The following INIP variants were observed in gnomAD, a reference collection of about 807,000 sequenced individuals.
INIP encodes INTS3 and NABP interacting protein, also known as SOSS complex subunit C.
In INIP, 9 loss-of-function variants were observed where a neutral mutation model predicts 14.0. The ratio of observed to expected loss-of-function variants is 0.64; its 90% CI spans 0.39 to 1.12. The LOEUF (loss-of-function observed/expected upper bound fraction) is 1.12, where lower values mean the gene tolerates loss of function less well. Ranked by LOEUF, INIP falls within the 50% of genes most tolerant of loss-of-function variation. The pLI is 0.01. For missense variants in INIP, 78 were observed against 122.7 expected (o/e 0.64, Z 1.72); for synonymous variants, 37 against 41.5 (o/e 0.89, Z 0.41).
At chr9:112,713,243 C>G (rs971880648) in intron 2 of INIP, among the ~76,000 whole-genome samples, 1 of 152,202 alleles carries the variant, frequency 6.6e-6, no homozygotes, top group African/African-American at 2.4e-5. Context: ...CATTTTAATA[C>G]TACAATGAGA....
Position 112,687,494 on chromosome 9 carries a change from G to C in INIP, c.*44C>G. The C allele has an allele frequency of 8.4e-7, 1 of 1,184,974 alleles. No homozygotes were observed. Among genetic ancestry groups the C allele is most frequent in the Non-Finnish European group, 1.3e-6 (1 of 792,900 alleles). 73.4% of individuals were successfully genotyped at this position (1,184,974 alleles called of 1,614,324 possible). On this transcript the variant is annotated 3_prime_UTR_variant, in exon 5 of 5. Coordinates refer to ENST00000374242, the MANE Select transcript of INIP (RefSeq NM_021218.3). ...GTAGCACTGAATGATAGTAGCTTTG[G>C]CATTTGATATTACAAAGTCACTTTT...
At chr9:112,714,276 T>C (rs1838737716) in intron 2 of INIP, among the ~76,000 whole-genome samples, 1 of 151,982 alleles carries the variant, frequency 6.6e-6, no homozygotes, top group African/African-American at 2.4e-5. Flanking sequence ...ATTAAAAAAA[T>C]CAGAACAGAG....
intron 2 of INIP, among the ~76,000 whole-genome samples, chr9:112,694,814 A>G (rs553070731): frequency 6.6e-6 from 1 of 152,314 alleles, no homozygotes; most frequent in African/African-American, 2.4e-5. Context: ...AGCAATTCTG[A>G]GAAAGAAATG....
At chr9:112,688,520 C>A (rs909933228) in intron 4 of INIP, among the ~76,000 whole-genome samples, 1 of 150,998 alleles carries the variant, frequency 6.6e-6, no homozygotes, top group Non-Finnish European at 1.5e-5. Context: ...GTTTTTAAGT[C>A]ATCTAAAGTG....
chr9:112,687,763 T>G lies in INIP; in HGVS notation c.220-130A>C, dbSNP rs1036995030. On this transcript the variant is annotated intron_variant, in intron 4 of 4. Transcript: ENST00000374242. ...TATTTGTTTATTCATTTATTTTTCATTGTTATTGCTGAGATGGAATTTATT... is the reference window on the plus strand; with the variant it reads ...TATTTGTTTATTCATTTATTTTTCAGTGTTATTGCTGAGATGGAATTTATT... The G allele has an allele frequency of 1.2e-5, 6 of 517,676 alleles. No homozygotes were observed. In the Admixed American group the frequency reaches 2.0e-4, roughly 18 times the overall value. The allele number at this position is 517,676 out of a possible 1,614,324, so 32.1% of individuals were successfully genotyped here. A position where few individuals can be genotyped will look rare whatever the true frequency, so the allele number is the denominator to read the frequency against.
Position 112,698,303 on chromosome 9 carries a change from CAAAAAAAAAAA to C in INIP, c.26-4081_26-4071del, listed in dbSNP as rs755265359. Among the ~76,000 whole-genome samples the C allele has an allele frequency of 2.1e-4, 9 of 43,668 alleles. 1 individual carries two copies. Among genetic ancestry groups the C allele is most frequent in the Non-Finnish European group, 2.9e-4 (7 of 24,032 alleles). The allele number at this position is 43,668 out of a possible 152,430, so 28.6% of individuals were successfully genotyped here. ...TGGGTGACAGAGCGAGACTCTGTCT[CAAAAAAAAAAA>C]AAAAAAAAAAAAAAGAAATGATTAA... On this transcript the variant is annotated intron_variant, in intron 2 of 4. Transcript: ENST00000374242.
intron 2 of INIP, among the ~76,000 whole-genome samples, chr9:112,714,087 A>C (rs1838732185): frequency 6.6e-6 from 1 of 152,214 alleles, no homozygotes; most frequent in Admixed American, 6.5e-5. Flanking sequence ...TACAAACAGA[A>C]GAATGAATAA....
chr9:112,687,950 G>A (rs746238577), intron 4 of INIP, among the ~76,000 whole-genome samples: 16 of 152,242 alleles, frequency 1.1e-4, no homozygotes, highest in East Asian at 1.9e-4. Context: ...GCCAGGCGTG[G>A]TGGCGGGTGC....
At chr9:112,687,698 G>T in intron 4 of INIP, 65 bp from the exon 5 acceptor site, 2 of 917,790 alleles carry the variant, frequency 2.2e-6, no homozygotes, top group Non-Finnish European at 1.6e-6. Context: ...CTTCGACCAA[G>T]GCATTAAAAT....
intron 4 of INIP, 41 bp downstream of exon 4, chr9:112,689,486 G>C: frequency 6.7e-7 from 1 of 1,503,080 alleles, no homozygotes; most frequent in South Asian, 1.1e-5. Context: ...TGAGATCCAG[G>C]AAACCTCCAC....
intron 2 of INIP, among the ~76,000 whole-genome samples, chr9:112,705,033 C>T (rs907047253): frequency 1.3e-5 from 2 of 148,536 alleles, no homozygotes; most frequent in African/African-American, 2.5e-5. Flanking sequence ...ATGGCTTGAA[C>T]CTGGGAGGTC....
intron 2 of INIP, among the ~76,000 whole-genome samples, chr9:112,703,953 G>A (rs1247049255): frequency 3.3e-5 from 5 of 152,148 alleles, no homozygotes; most frequent in African/African-American, 1.2e-4. Context: ...AAAAAAGGGT[G>A]AAAATAATAG....
chr9:112,716,899 G>C (rs1020302825), intron 1 of INIP, among the ~76,000 whole-genome samples: 4 of 151,058 alleles, frequency 2.6e-5, no homozygotes, highest in African/African-American at 9.7e-5. Context: ...AGGTTGCAGT[G>C]AGCCGAGATC....
At chr9:112,712,392 T>G (rs199817509) in intron 2 of INIP, among the ~76,000 whole-genome samples, 2 of 152,096 alleles carry the variant, frequency 1.3e-5, no homozygotes, top group East Asian at 3.9e-4. Context: ...CAGAAGAATA[T>G]AACAGAATCC....
At chr9:112,692,363 C>A (rs1361328524) in intron 3 of INIP, among the ~76,000 whole-genome samples, 1 of 152,172 alleles carries the variant, frequency 6.6e-6, no homozygotes, top group Non-Finnish European at 1.5e-5. Flanking sequence ...CAGCTCATTG[C>A]AGCCCCAACC....
intron 2 of INIP, among the ~76,000 whole-genome samples, chr9:112,709,425 G>T (rs970495285): frequency 6.6e-6 from 1 of 151,986 alleles, no homozygotes; most frequent in Non-Finnish European, 1.5e-5. Context: ...ATCAACGTGG[G>T]TTCTCACCTC....
intron 2 of INIP, among the ~76,000 whole-genome samples, chr9:112,697,053 G>A (rs1184377039): frequency 6.6e-6 from 1 of 152,146 alleles, no homozygotes. Context: ...AGGTCAGTAG[G>A]TGGGACTGAA....
chr9:112,717,305 C>T (rs572013934), intron 1 of INIP, among the ~76,000 whole-genome samples: 16 of 152,278 alleles, frequency 1.1e-4, no homozygotes, highest in African/African-American at 3.4e-4. Context: ...GCACCATACA[C>T]TGTGTAACAT....
chr9:112,713,420 T>G (rs1838708235), intron 2 of INIP, among the ~76,000 whole-genome samples: 1 of 152,158 alleles, frequency 6.6e-6, no homozygotes, highest in African/African-American at 2.4e-5. Context: ...TGGCCCAGCA[T>G]GGTGGCTCAT....
Sources: gnomAD v4.1 joint callset for allele counts (sites outside exome capture counted in the v4.1 genomes callset) on GRCh38, gnomAD v4.1.1 for gene constraint, MANE v1.5 for transcripts, NCBI Gene and HGNC (gene_info 2026-07-23, HGNC 2026-07-21) for gene names.